Variants in TMEM132B observed in about 807,000 individuals in gnomAD.
TMEM132B encodes transmembrane protein 132B.
In TMEM132B, 18 loss-of-function variants were observed where a neutral mutation model predicts 90.8. The ratio of observed to expected loss-of-function variants is 0.20; its 90% CI spans 0.14 to 0.29. The LOEUF (loss-of-function observed/expected upper bound fraction) is 0.29, where lower values mean the gene tolerates loss of function less well. Among genes scored for constraint, TMEM132B ranks in the 10% least tolerant of loss-of-function variants. TMEM132B has a pLI of 1.00. For missense variants in TMEM132B, 1,096 were observed against 1,326.8 expected (o/e 0.83, Z 2.70); for synonymous variants, 504 against 523.3 (o/e 0.96, Z 0.50).
intron 3 of TMEM132B, among the ~76,000 whole-genome samples, chr12:125,429,787 A>G (rs1880442555): frequency 6.6e-6 from 1 of 152,192 alleles, no homozygotes; most frequent in Admixed American, 6.5e-5. Context: ...TGCTACTCAC[A>G]TGATTTATGA....
chr12:125,511,984 A>T (rs942337307), intron 3 of TMEM132B, among the ~76,000 whole-genome samples: 1 of 152,218 alleles, frequency 6.6e-6, no homozygotes, highest in African/African-American at 2.4e-5. Context: ...ATGGCTAGAG[A>T]TTGGGTCTCA....
intron 1 of TMEM132B, chr12:125,326,567 G>A: frequency 2.0e-6 from 3 of 1,524,860 alleles, no homozygotes; most frequent in African/African-American, 1.4e-5. Context: ...GAACTGGGGG[G>A]TGTTGAATAA....
intron 5 of TMEM132B, among the ~76,000 whole-genome samples, chr12:125,608,235 A>G (rs1022739869): frequency 3.9e-5 from 6 of 152,218 alleles, no homozygotes; most frequent in Non-Finnish European, 1.5e-5. Flanking sequence ...CAGTTTCTTC[A>G]TATCCTCTCC....
At chr12:125,268,526 A>G (rs887545750) in intron 1 of TMEM132B, among the ~76,000 whole-genome samples, 3 of 152,270 alleles carry the variant, frequency 2.0e-5, no homozygotes, top group Non-Finnish European at 4.4e-5. Flanking sequence ...AACCATCTCC[A>G]TAAAAGATTG....
rs553381166 is a variant in TMEM132B at position 125,399,043 on chromosome 12, C to T, written c.960-16488C>T. Among the ~76,000 whole-genome samples, 11 of 152,318 alleles carry T rather than the reference C, an allele frequency of 7.2e-5. No individual in the cohort carries two copies. The East Asian group carries it at 1.9e-3, about 27-fold the overall frequency. ...GCCCTCTGTTCCTAGAGCCCCACTT[C>T]CCCCAGGTTATTGTCACATAGGTCT... On this transcript the variant is annotated intron_variant, in intron 2 of 8. Transcript: ENST00000682704.
chr12:125,433,609 A>C (rs955863431), intron 3 of TMEM132B, among the ~76,000 whole-genome samples: 1 of 147,802 alleles, frequency 6.8e-6, no homozygotes, highest in East Asian at 2.0e-4. Context: ...CATGCTGGTG[A>C]GCTGCACCCA....
intron 4 of TMEM132B, among the ~76,000 whole-genome samples, chr12:125,561,586 A>G (rs952907941): frequency 1.3e-5 from 2 of 152,202 alleles, no homozygotes; most frequent in Middle Eastern, 3.2e-3. Context: ...TTACTCCTTG[A>G]TCAATGGGAT....
chr12:125,430,060 G>A (rs1237256992), intron 3 of TMEM132B, among the ~76,000 whole-genome samples: 3 of 152,244 alleles, frequency 2.0e-5, no homozygotes, highest in Non-Finnish European at 4.4e-5. Context: ...TGAAGGGACT[G>A]TGTTTCCTTC....
At chr12:125,189,605 G>T (rs184671638) in intron 1 of TMEM132B, among the ~76,000 whole-genome samples, 3 of 152,226 alleles carry the variant, frequency 2.0e-5, no homozygotes, top group African/African-American at 7.2e-5. Context: ...TGCAAATGTC[G>T]TCGCCTTCTC....
intron 1 of TMEM132B, among the ~76,000 whole-genome samples, chr12:125,192,110 GT>G (rs1404435113): frequency 1.3e-5 from 2 of 152,190 alleles, no homozygotes; most frequent in East Asian, 3.9e-4. Context: ...TAACCCTGCT[GT>G]TGGGCACACT....
intron 1 of TMEM132B, among the ~76,000 whole-genome samples, chr12:125,306,413 C>T (rs1017295792): frequency 4.6e-5 from 7 of 152,178 alleles, no homozygotes; most frequent in African/African-American, 1.7e-4. Context: ...GACATCTCTA[C>T]CTGGACGTCT....
At chr12:125,561,583 T>C (rs1420259923) in intron 4 of TMEM132B, among the ~76,000 whole-genome samples, 2 of 152,204 alleles carry the variant, frequency 1.3e-5, no homozygotes, top group African/African-American at 4.8e-5. Flanking sequence ...AAATTACTCC[T>C]TGATCAATGG....
chr12:125,534,693 C>T (rs10846911), intron 4 of TMEM132B, among the ~76,000 whole-genome samples: 9 of 48,512 alleles, frequency 1.9e-4, no homozygotes, highest in Non-Finnish European at 4.4e-4. Context: ...ACTACCATTA[C>T]AGTTACATCC....
At chr12:125,235,507 C>A (rs1873914178) in intron 1 of TMEM132B, among the ~76,000 whole-genome samples, 1 of 151,672 alleles carries the variant, frequency 6.6e-6, no homozygotes. Context: ...TAAACCGAAC[C>A]ATTCAGTGTT....
At chr12:125,621,358 A>T (rs984365950) in intron 5 of TMEM132B, among the ~76,000 whole-genome samples, 1 of 152,162 alleles carries the variant, frequency 6.6e-6, no homozygotes, top group Non-Finnish European at 1.5e-5. Context: ...TATAAAAGCA[A>T]GGTGAATGTA....
At chr12:125,343,754 A>G (rs1877268444) in intron 1 of TMEM132B, among the ~76,000 whole-genome samples, 1 of 152,168 alleles carries the variant, frequency 6.6e-6, no homozygotes, top group Admixed American at 6.5e-5. Flanking sequence ...ATCTCCCTTT[A>G]AGCGATATTT....
chr12:125,422,426 G>C (rs1483153012), intron 3 of TMEM132B, among the ~76,000 whole-genome samples: 1 of 152,160 alleles, frequency 6.6e-6, no homozygotes, highest in African/African-American at 2.4e-5. Flanking sequence ...CAGCTCTCTT[G>C]TTCCCACAGG....
intron 1 of TMEM132B, among the ~76,000 whole-genome samples, chr12:125,303,263 C>A (rs1433105799): frequency 6.6e-6 from 1 of 152,126 alleles, no homozygotes; most frequent in Non-Finnish European, 1.5e-5. Context: ...CCTTTAGTGT[C>A]CGGCTTCCTA....
chr12:125,316,390 A>ACTCTTT (rs1373324731), intron 1 of TMEM132B, among the ~76,000 whole-genome samples: 62 of 152,008 alleles, frequency 4.1e-4, no homozygotes, highest in Non-Finnish European at 7.2e-4. Context: ...ATCTCTTCGC[A>ACTCTTT]CTCTTTCTCT....
Sources: gnomAD v4.1 joint callset for allele counts (sites outside exome capture counted in the v4.1 genomes callset) on GRCh38, gnomAD v4.1.1 for gene constraint, MANE v1.5 for transcripts, NCBI Gene and HGNC (gene_info 2026-07-23, HGNC 2026-07-21) for gene names.